Variants in TMEM116 observed in about 807,000 individuals in gnomAD.
The protein encoded by TMEM116 is transmembrane protein 116.
In TMEM116, 38 loss-of-function variants were observed where a neutral mutation model predicts 44.3. The ratio of observed to expected loss-of-function variants is 0.86; its 90% CI spans 0.66 to 1.12. TMEM116 has a LOEUF of 1.12. TMEM116 is among the 50% of genes most tolerant of loss of function. The pLI, the probability that TMEM116 is intolerant of heterozygous loss-of-function variation, is 0.00. For missense variants in TMEM116, 354 were observed against 401.7 expected (o/e 0.88, Z 1.01); for synonymous variants, 132 against 144.8 (o/e 0.91, Z 0.64).
chr12:111,979,282 T>C (rs1186368763), intron 4 of TMEM116, among the ~76,000 whole-genome samples: 1 of 152,054 alleles, frequency 6.6e-6, no homozygotes, highest in East Asian at 1.9e-4. Context: ...TATATATATA[T>C]ATACACAATA....
At chr12:111,986,252 A>G (rs1350686692) in intron 4 of TMEM116, among the ~76,000 whole-genome samples, 1 of 152,046 alleles carries the variant, frequency 6.6e-6, no homozygotes, top group Non-Finnish European at 1.5e-5. Flanking sequence ...CTAGCTACTC[A>G]GAAGGCTGAG....
At chr12:111,948,677 T>C (rs891696908) in intron 4 of TMEM116, among the ~76,000 whole-genome samples, 3 of 152,202 alleles carry the variant, frequency 2.0e-5, no homozygotes, top group African/African-American at 7.2e-5. Flanking sequence ...CTAAAACTTT[T>C]AAAAATTTAA....
intron 4 of TMEM116, among the ~76,000 whole-genome samples, chr12:111,976,465 A>G (rs568589481): frequency 6.6e-6 from 1 of 152,290 alleles, no homozygotes; most frequent in East Asian, 1.9e-4. Flanking sequence ...GGGCAACAAG[A>G]GCAAAATTGT....
At chr12:111,978,682 T>A in intron 4 of TMEM116, 1 of 370,908 alleles carries the variant, frequency 2.7e-6, no homozygotes, top group South Asian at 2.0e-5. Context: ...GTCTCCACTA[T>A]GTTTGGATAC....
intron 4 of TMEM116, among the ~76,000 whole-genome samples, chr12:111,946,614 C>T (rs1344058570): frequency 3.3e-5 from 5 of 152,192 alleles, no homozygotes; most frequent in African/African-American, 1.2e-4. Flanking sequence ...TCAGCGTGGG[C>T]GTCATGGCCA....
chr12:112,000,227 A>G (rs1392818619), intron 3 of TMEM116, among the ~76,000 whole-genome samples: 1 of 152,254 alleles, frequency 6.6e-6, no homozygotes, highest in Non-Finnish European at 1.5e-5. Flanking sequence ...TTAACCAAGG[A>G]GTTCAAAATA....
intron 4 of TMEM116, among the ~76,000 whole-genome samples, chr12:111,989,312 G>A (rs1201615222): frequency 6.6e-6 from 1 of 152,170 alleles, no homozygotes. Context: ...ACAGAGATCA[G>A]AAAAGGGCCC....
At chr12:112,003,673 G>T in intron 3 of TMEM116, 127 bp downstream of exon 3, 2 of 1,318,418 alleles carry the variant, frequency 1.5e-6, no homozygotes, top group Non-Finnish European at 2.0e-6. Flanking sequence ...ATATCTCATT[G>T]TATCATCATG....
chr12:111,938,101 AC>A (rs2072319285), intron 6 of TMEM116, 59 bp downstream of exon 6: 2 of 1,202,066 alleles, frequency 1.7e-6, no homozygotes, highest in African/African-American at 1.6e-5. Flanking sequence ...ATTTGTTCCC[AC>A]CTGAACACCA....
At chr12:111,958,595 C>G (rs1369695981) in intron 4 of TMEM116, among the ~76,000 whole-genome samples, 3 of 151,996 alleles carry the variant, frequency 2.0e-5, no homozygotes, top group African/African-American at 7.2e-5. Context: ...AGCTAAGAAC[C>G]TTGAAAAAAG....
intron 4 of TMEM116, among the ~76,000 whole-genome samples, chr12:111,971,016 G>A (rs777491757): frequency 5.9e-5 from 9 of 152,198 alleles, no homozygotes; most frequent in Non-Finnish European, 1.0e-4. Flanking sequence ...CAAGCAAAAA[G>A]TGCAGTAACA....
At chr12:111,945,343 CAAAAAAAAAAAAAAA>C (rs917839133) in intron 4 of TMEM116, among the ~76,000 whole-genome samples, 33 of 33,828 alleles carry the variant, frequency 9.8e-4, no homozygotes, top group African/African-American at 2.2e-3. Context: ...GACTCCATCT[CAAAAAAAAAAAAAAA>C]AAAAAAAAAA....
chr12:112,000,951 G>C (rs1387348415), intron 3 of TMEM116: 1 of 382,770 alleles, frequency 2.6e-6, no homozygotes, highest in Non-Finnish European at 5.2e-6. Context: ...ACAGAGCAGG[G>C]CTGCCTGCAG....
At chr12:111,969,009 AAAAAG>A (rs1555217111) in intron 4 of TMEM116, among the ~76,000 whole-genome samples, 3 of 150,286 alleles carry the variant, frequency 2.0e-5, no homozygotes, top group South Asian at 2.1e-4. Context: ...AAAAAAAAAA[AAAAAG>A]AAAAGAAAAG....
chr12:111,956,176 T>C (rs920614871), intron 4 of TMEM116, among the ~76,000 whole-genome samples: 11 of 152,228 alleles, frequency 7.2e-5, no homozygotes, highest in African/African-American at 2.4e-4. Flanking sequence ...TGATCAGCTA[T>C]GGGTTTCCTA....
intron 4 of TMEM116, among the ~76,000 whole-genome samples, chr12:111,977,921 C>A (rs1156659352): frequency 6.6e-6 from 1 of 151,194 alleles, no homozygotes; most frequent in Non-Finnish European, 1.5e-5. Context: ...AATTGATATG[C>A]TAAGAAAAGA....
chr12:111,960,184 G>A (rs2074471063), intron 4 of TMEM116, among the ~76,000 whole-genome samples: 1 of 152,102 alleles, frequency 6.6e-6, no homozygotes, highest in Non-Finnish European at 1.5e-5. Flanking sequence ...TTAGAACTCA[G>A]GATTAAGAAA....
intron 4 of TMEM116, among the ~76,000 whole-genome samples, chr12:111,957,368 G>C (rs1039669368): frequency 6.6e-6 from 1 of 150,840 alleles, no homozygotes; most frequent in Non-Finnish European, 1.5e-5. Flanking sequence ...CCCTGTCTGA[G>C]AAGTGAGGAG....
chr12:111,968,082 A>AAAAGGCTTC (rs1446777602), intron 4 of TMEM116, among the ~76,000 whole-genome samples: 4 of 152,132 alleles, frequency 2.6e-5, no homozygotes, highest in Non-Finnish European at 1.5e-5. Flanking sequence ...ACAAACAAAC[A>AAAAGGCTTC]AAAGGCTTCA....
Sources: allele counts gnomAD v4.1 joint callset (sites outside exome capture counted in the v4.1 genomes callset), GRCh38; gene constraint gnomAD v4.1.1; transcripts MANE v1.5; gene names NCBI Gene and HGNC (gene_info 2026-07-23, HGNC 2026-07-21).